The following SAMD9 variants were observed in gnomAD, a reference collection of about 807,000 sequenced individuals.
SAMD9 encodes the protein sterile alpha motif domain-containing protein 9.
SAMD9 carries 3 observed loss-of-function variants against 1.5 expected under a neutral mutation model. That is an observed-to-expected ratio of 2.05 (90% confidence interval 0.93 to 5.29). SAMD9 has a LOEUF of 5.29. SAMD9 is among the 30% of genes most tolerant of loss of function. The pLI, the probability that SAMD9 is intolerant of heterozygous loss-of-function variation, is 0.02. For synonymous variants in SAMD9, 635 were observed against 631.9 expected, an observed-to-expected ratio of 1.00 and a Z score of -0.07; for missense variants, 1,597 against 1,820.8, an observed-to-expected ratio of 0.88 and a Z score of 2.24.
Position 93,104,296 on chromosome 7 carries a change from ATT to A in SAMD9, c.1800_1801del (p.Glu600AspfsTer12), listed in dbSNP as rs375515095. 665 of 1,613,508 alleles carry A rather than the reference ATT, an allele frequency of 4.1e-4. 2 individuals are homozygous for A. In the African/African-American group the frequency reaches 8.3e-3, roughly 20 times the overall value. ...TAAAGCAGAAATACATTGGCTTGAA[ATT>A]TCATCTTGGTGTTTTATTAATCTTG... On this transcript the variant is annotated frameshift_variant, in exon 3 of 3. Coordinates refer to ENST00000379958, the MANE Select transcript of SAMD9 (RefSeq NM_017654.4). LOFTEE classifies it low-confidence loss of function (END_TRUNC).
chr7:93,110,370 C>T (rs1424722420), intron 2 of SAMD9, among the ~76,000 whole-genome samples: 1 of 152,160 alleles, frequency 6.6e-6, no homozygotes, highest in African/African-American at 2.4e-5. Context: ...ATTGTAAACA[C>T]CATCGATGCT....
chr7:93,105,701 T>C lies in SAMD9; in HGVS notation c.397A>G (p.Lys133Glu). Residue 133 changes from lysine (K) to glutamate (E), a missense_variant, in exon 3 of 3, where the codon AAA becomes GAA. Transcript: ENST00000379958. ...TCAACTTTTAGTGACTTAGAACCTT[T>C]AGCAGTTGTACTCATTGCAGACGGA... Reference protein sequence around the residue: ...ANPSAMSTTAKGSKSLKVELI... With the variant: ...ANPSAMSTTAEGSKSLKVELI... 6.2e-7 allele frequency: 1 copy of C among 1,614,138 alleles called. No individual in the cohort carries two copies. The highest frequency in any genetic ancestry group is 8.5e-7 in the Non-Finnish European group (1 of 1,180,000).
In SAMD9 at chr7:93,102,005, T is replaced by C; in HGVS notation, c.4093A>G (p.Ile1365Val). 6.2e-7 allele frequency: 1 copy of C among 1,613,692 alleles called. No homozygotes were observed. The highest frequency in any genetic ancestry group is 8.5e-7 in the Non-Finnish European group (1 of 1,179,722). Reference sequence around the variant, plus strand: ...AAGAGAAAAGTATATTCGTTCACTATACATTTCATAGTGCTTATAGCATCC... The same window carrying C: ...AAGAGAAAAGTATATTCGTTCACTACACATTTCATAGTGCTTATAGCATCC... ...QEDAISTMKC[I>V]VNEYTFLLEQ... Residue 1365 changes from isoleucine to valine, a missense_variant, in exon 3 of 3, where the codon ATA becomes GTA. By Grantham distance (29) the Ile-to-Val change is conservative (BLOSUM62 3). Coordinates refer to ENST00000379958, the MANE Select transcript of SAMD9 (RefSeq NM_017654.4).
chr7:93,117,411 T>G (rs986079467), intron 1 of SAMD9, among the ~76,000 whole-genome samples: 1 of 152,038 alleles, frequency 6.6e-6, no homozygotes, highest in Non-Finnish European at 1.5e-5. Flanking sequence ...CCAAAGTAGC[T>G]AGACTGCAGC....
chr7:93,101,700 C>T lies in SAMD9; in HGVS notation c.4398G>A (p.Gly1466=), dbSNP rs143031996. ...TTGTACGATGCATATGTTTATATTGCCCCTTGAAAGAATTTTTTAGTGCTT... is the reference window on the plus strand; with the variant it reads ...TTGTACGATGCATATGTTTATATTGTCCCTTGAAAGAATTTTTTAGTGCTT... ...YAQALKNSFK[G]QYKHMHRTKQ... The change falls in exon 3 of 3, where the codon GGG becomes GGA. Residue 1466 remains glycine (G), a synonymous_variant. Coordinates refer to ENST00000379958, the MANE Select transcript of SAMD9 (RefSeq NM_017654.4). 5.5e-5 allele frequency: 88 copies of T among 1,613,480 alleles called. No homozygotes were observed. The highest frequency in any genetic ancestry group is 6.8e-5 in the Non-Finnish European group (80 of 1,179,678).
intron 2 of SAMD9, among the ~76,000 whole-genome samples, chr7:93,108,632 A>G (rs1467138967): frequency 2.0e-5 from 3 of 152,316 alleles, no homozygotes; most frequent in Non-Finnish European, 4.4e-5. Flanking sequence ...GGTCTTAGCA[A>G]ACAGCACACC....
chr7:93,100,972 A>C lies in SAMD9; in HGVS notation c.*356T>G. ...CCAGACATTCTAATGTCTAAATGCC[A>C]TTTGAGTAGACAATCTTCTTCAATC... On this transcript the variant is annotated 3_prime_UTR_variant, in exon 3 of 3. Coordinates refer to ENST00000379958, the MANE Select transcript of SAMD9 (RefSeq NM_017654.4). The C allele has an allele frequency of 3.6e-6, 1 of 277,922 alleles. No individual in the cohort carries two copies. The highest frequency in any genetic ancestry group is 6.9e-6 in the Non-Finnish European group (1 of 145,712). 17.2% of individuals were successfully genotyped at this position (277,922 alleles called of 1,614,324 possible).
chr7:93,106,392 A>G (rs1791645232), intron 2 of SAMD9, among the ~76,000 whole-genome samples: 1 of 152,216 alleles, frequency 6.6e-6, no homozygotes, highest in South Asian at 2.1e-4. Context: ...GCTTCCAGTC[A>G]GTATATATAG....
Position 93,105,596 on chromosome 7 carries a change from CATCAAATGGATATG to C in SAMD9, c.488_501del (p.Ser163Ter). ...TTGTAACGATATGGATTACTGAATT[CATCAAATGGATATG>C]ATACACATGTCAGGTCTATGGATGG... On this transcript the variant is annotated frameshift_variant, in exon 3 of 3. Transcript: ENST00000379958. LOFTEE classifies it low-confidence loss of function (END_TRUNC). 2 of 1,614,080 alleles carry C rather than the reference CATCAAATGGATATG, an allele frequency of 1.2e-6. No homozygotes were observed. The highest frequency in any genetic ancestry group is 1.7e-6 in the Non-Finnish European group (2 of 1,180,004).
rs1336582764 is a variant in SAMD9 at position 93,102,828 on chromosome 7, T to A, written c.3270A>T (p.Arg1090Ser). The A allele has an allele frequency of 2.5e-6, 4 of 1,613,918 alleles. No individual in the cohort carries two copies. In the South Asian group the frequency reaches 3.3e-5, roughly 13 times the overall value. The change falls in exon 3 of 3, where the codon AGA (arginine) becomes AGT (serine). Residue 1090 changes from arginine to serine, a missense_variant. Around this residue, in one of 6 missense-constraint regions of SAMD9, gnomAD observed 682 missense variants for 810.0 expected, o/e 0.84. Coordinates refer to ENST00000379958, the MANE Select transcript of SAMD9 (RefSeq NM_017654.4). ...PNAFICQALA[R>S]HFYIKKKDFG... ...AGTCCTTCTTTTTAATGTAGAAATG[T>A]CTTGCCAACGCTTGGCAAATGAATG...
rs1188960627 is a variant in SAMD9, at chr7:93,104,436, A to G, written c.1662T>C (p.Asp554=). 1.2e-6 allele frequency: 2 copies of G among 1,613,822 alleles called. No individual in the cohort carries two copies. Among genetic ancestry groups the G allele is most frequent in the Non-Finnish European group, 1.7e-6 (2 of 1,179,872 alleles). ...AAGCACAGAAAGTCTCAATGAGGGG[A>G]TCTCTTGGGTCATCCACAGAGGACA... ...LLLSSVDDPR[D]PLIETFCAFY... is the part of the protein sequence containing the mutation. The change falls in exon 3 of 3, where the codon GAT becomes GAC. Residue 554 remains aspartate (D), a synonymous_variant. Coordinates refer to ENST00000379958, the MANE Select transcript of SAMD9 (RefSeq NM_017654.4).
chr7:93,116,282 A>G (rs1216295043), intron 1 of SAMD9, among the ~76,000 whole-genome samples: 1 of 152,210 alleles, frequency 6.6e-6, no homozygotes, highest in Non-Finnish European at 1.5e-5. Flanking sequence ...CAAGAACTAC[A>G]TACCATTATA....
At chr7:93,117,251 C>T (rs796189035) in intron 1 of SAMD9, among the ~76,000 whole-genome samples, 2 of 135,800 alleles carry the variant, frequency 1.5e-5, no homozygotes, top group South Asian at 4.4e-4. Flanking sequence ...CTTTATCTAT[C>T]TTTCCGTTTG....
chr7:93,106,782 GCATACT>G, intron 2 of SAMD9, among the ~76,000 whole-genome samples: 1 of 152,240 alleles, frequency 6.6e-6, no homozygotes, highest in East Asian at 1.9e-4. Flanking sequence ...CTGTGGCCAG[GCATACT>G]CATCCCTCTG....
chr7:93,104,286 T>C lies in SAMD9; in HGVS notation c.1812A>G (p.Gln604=), dbSNP rs181767582. 127 of 1,613,506 alleles carry C rather than the reference T, an allele frequency of 7.9e-5. No homozygotes were observed. In the East Asian group the frequency reaches 2.7e-3, roughly 34 times the overall value. Residue 604 remains glutamine (Q), a synonymous_variant, in exon 3 of 3, where the codon CAA becomes CAG. Coordinates refer to ENST00000379958, the MANE Select transcript of SAMD9 (RefSeq NM_017654.4). The part of the protein sequence containing the change: ...LIKHQDEISS[Q]CISALSLEEI... ...CTTCAAGGCTTAAAGCAGAAATACA[T>C]TGGCTTGAAATTTCATCTTGGTGTT...
At chr7:93,109,222 A>C (rs535483288) in intron 2 of SAMD9, among the ~76,000 whole-genome samples, 7 of 152,268 alleles carry the variant, frequency 4.6e-5, no homozygotes, top group Non-Finnish European at 1.0e-4. Flanking sequence ...ACTCCAACAG[A>C]CCTGCAGCTG....
In SAMD9 at chr7:93,105,220, A is replaced by G. The variant is rs1394382631; in HGVS notation, c.878T>C (p.Leu293Ser). 1 of 1,613,952 alleles carries G rather than the reference A, an allele frequency of 6.2e-7. No individual in the cohort carries two copies. Among genetic ancestry groups the G allele is most frequent in the East Asian group, 2.2e-5 (1 of 44,846 alleles). The stretch of plus-strand genomic sequence containing the variant: ...GTCAGATAGAGTACTATTTGGCAGT[A>G]AAACTTCCACAAATCTTGGCTCTCG... ...CIREPRFVEVLLPNSTLSDRF... is the reference protein window; with the variant it reads ...CIREPRFVEVSLPNSTLSDRF... The change falls in exon 3 of 3, where the codon TTA (leucine) becomes TCA (serine). Residue 293 changes from leucine to serine, a missense_variant. Physicochemically the swap from Leu to Ser is moderately radical, Grantham distance 145. Coordinates refer to ENST00000379958, the MANE Select transcript of SAMD9 (RefSeq NM_017654.4).
intron 2 of SAMD9, among the ~76,000 whole-genome samples, chr7:93,109,101 C>A (rs1232610597): frequency 6.6e-6 from 1 of 152,180 alleles, no homozygotes; most frequent in Non-Finnish European, 1.5e-5. Flanking sequence ...TGAGATGAAG[C>A]TTCCAGAGGA....
In SAMD9 at chr7:93,105,522, ATCAATGAGATTGCCTGGTCCTGT is replaced by A. The variant is rs1371946349; in HGVS notation, c.553_575del (p.Thr185SerfsTer4). ...TGAAGGCTTTGAATTCATGTATCGG[ATCAATGAGATTGCCTGGTCCTGT>A]TTCAGGCTGTAGACTAAAATCCAAC... On this transcript the variant is annotated frameshift_variant, in exon 3 of 3. Coordinates refer to ENST00000379958, the MANE Select transcript of SAMD9 (RefSeq NM_017654.4). LOFTEE classifies it low-confidence loss of function (END_TRUNC). 1.2e-6 allele frequency: 2 copies of A among 1,613,990 alleles called. No homozygotes were observed. The highest frequency in any genetic ancestry group is 4.5e-5 in the East Asian group (2 of 44,872).
Sources: allele counts gnomAD v4.1 joint callset (sites outside exome capture counted in the v4.1 genomes callset), GRCh38; gene constraint gnomAD v4.1.1; regional missense constraint gnomAD v4.1.1; transcripts MANE v1.5; gene names NCBI Gene and HGNC (gene_info 2026-07-23, HGNC 2026-07-21).